The following PHF24 variants were observed in gnomAD, a reference collection of about 807,000 sequenced individuals.
PHF24 encodes the protein PHD finger protein 24.
PHF24 carries 25 observed loss-of-function variants against 42.6 expected under a neutral mutation model. The ratio of observed to expected loss-of-function variants is 0.59; its 90% confidence interval spans 0.43 to 0.82. The LOEUF is 0.82. Among genes scored for constraint, PHF24 ranks in the 40% least tolerant of loss-of-function variants. PHF24 has a pLI of 0.00. For missense variants in PHF24, 470 were observed against 538.1 expected (o/e 0.87, Z 1.25); for synonymous variants, 185 against 204.8 (o/e 0.90, Z 0.83).
chr9:34,923,166 T>C, the PHF24 span, among the ~76,000 whole-genome samples: 14 of 152,050 alleles, frequency 9.2e-5, no homozygotes, highest in Non-Finnish European at 1.5e-4. Flanking sequence ...ATGTATCACA[T>C]TGATTAATTT....
At chr9:34,957,043 G>A (rs964069766), upstream of PHF24, among the ~76,000 whole-genome samples, 7 of 152,084 alleles carry the variant, frequency 4.6e-5, no homozygotes, top group South Asian at 2.1e-4. Context: ...GCAAAATGTC[G>A]AAACTAACAG....
chr9:34,943,487 T>G, the PHF24 span, among the ~76,000 whole-genome samples: 1 of 152,198 alleles, frequency 6.6e-6, no homozygotes, highest in Non-Finnish European at 1.5e-5. Context: ...AGTTGGTCTC[T>G]GTAGACCTCG....
At chr9:34,713,011 A>C in the PHF24 span, among the ~76,000 whole-genome samples, 2 of 152,180 alleles carry the variant, frequency 1.3e-5, no homozygotes, top group East Asian at 3.8e-4. Context: ...TTTGTTGATA[A>C]CTGGGCATTC....
the PHF24 span, among the ~76,000 whole-genome samples, chr9:34,675,607 T>A: frequency 6.6e-6 from 1 of 152,248 alleles, no homozygotes; most frequent in East Asian, 1.9e-4. Context: ...GGGGAAGTCT[T>A]GAGCAATAGC....
At chr9:34,774,020 T>C in the PHF24 span, among the ~76,000 whole-genome samples, 1 of 152,238 alleles carries the variant, frequency 6.6e-6, no homozygotes, top group South Asian at 2.1e-4. Flanking sequence ...ACTATACTAA[T>C]GTAAGATGTC....
At chr9:34,672,940 G>T in the PHF24 span, among the ~76,000 whole-genome samples, 2 of 152,174 alleles carry the variant, frequency 1.3e-5, no homozygotes, top group East Asian at 3.9e-4. Flanking sequence ...CCAAGTAGCT[G>T]AGACTACAGC....
chr9:34,963,826 A>T (rs1488774304), intron 1 of PHF24, among the ~76,000 whole-genome samples: 1 of 152,190 alleles, frequency 6.6e-6, no homozygotes, highest in Middle Eastern at 3.2e-3. Context: ...AGATGTGATG[A>T]TGTGAGCTGG....
At chr9:34,843,351 G>C in the PHF24 span, among the ~76,000 whole-genome samples, 1 of 152,128 alleles carries the variant, frequency 6.6e-6, no homozygotes, top group Non-Finnish European at 1.5e-5. Context: ...TTTGGAAAGT[G>C]TGTATCTCAC....
At chr9:34,854,428 C>T in the PHF24 span, among the ~76,000 whole-genome samples, 1 of 152,176 alleles carries the variant, frequency 6.6e-6, no homozygotes, top group East Asian at 1.9e-4. Flanking sequence ...ATAAATTTCC[C>T]TCTTAACACT....
the PHF24 span, among the ~76,000 whole-genome samples, chr9:34,850,694 GTT>G: frequency 6.6e-6 from 1 of 152,150 alleles, no homozygotes; most frequent in African/African-American, 2.4e-5. Context: ...AGAGTTTCCA[GTT>G]TTTCTGCTCC....
intron 1 of PHF24, among the ~76,000 whole-genome samples, chr9:34,968,376 A>G (rs1007262663): frequency 3.3e-5 from 5 of 152,222 alleles, no homozygotes; most frequent in Admixed American, 6.5e-5. Flanking sequence ...TGAATACCCT[A>G]AATGATTTCC....
the PHF24 span, among the ~76,000 whole-genome samples, chr9:34,705,064 T>C: frequency 2.6e-5 from 4 of 152,286 alleles, no homozygotes; most frequent in Non-Finnish European, 5.9e-5. Flanking sequence ...TTAGGATTTT[T>C]TTTTTTTTAC....
chr9:34,911,281 G>GTC, the PHF24 span, among the ~76,000 whole-genome samples: 1 of 151,702 alleles, frequency 6.6e-6, no homozygotes, highest in Non-Finnish European at 1.5e-5. Context: ...TTGAGACAGA[G>GTC]TCTCTCTCTG....
the PHF24 span, among the ~76,000 whole-genome samples, chr9:34,950,685 T>A: frequency 1.3e-5 from 2 of 152,138 alleles, no homozygotes; most frequent in Non-Finnish European, 2.9e-5. Flanking sequence ...GTGAATTTTA[T>A]AACATGTGAA....
At chr9:34,935,607 A>AAG in the PHF24 span, among the ~76,000 whole-genome samples, 406 of 150,814 alleles carry the variant, frequency 2.7e-3, 2 homozygotes, top group African/African-American at 7.5e-3. Context: ...AAAAAAAAAA[A>AAG]AGAGAGAGAA....
the PHF24 span, chr9:34,835,240 G>A: frequency 6.4e-7 from 1 of 1,552,264 alleles, no homozygotes; most frequent in Non-Finnish European, 8.7e-7. Context: ...GGAGGGAAAT[G>A]GTCTCAGATC....
chr9:34,977,513 C>A, intron 6 of PHF24, 33 bp from the exon 7 acceptor site: 1 of 1,576,418 alleles, frequency 6.3e-7, no homozygotes, highest in South Asian at 1.2e-5. Context: ...TTTCACTATC[C>A]CACTCCTAAC....
chr9:34,666,714 G>A, the PHF24 span, among the ~76,000 whole-genome samples: 33 of 152,154 alleles, frequency 2.2e-4, no homozygotes, highest in Non-Finnish European at 4.4e-4. Flanking sequence ...TTGGGAGGCC[G>A]AGGTGGGTGG....
At chr9:34,814,886 G>T in the PHF24 span, among the ~76,000 whole-genome samples, 2 of 152,040 alleles carry the variant, frequency 1.3e-5, no homozygotes, top group Non-Finnish European at 2.9e-5. Context: ...GATTATAGGC[G>T]CCCGCCACCA....
Sources: allele counts gnomAD v4.1 joint callset (sites outside exome capture counted in the v4.1 genomes callset), GRCh38; gene constraint gnomAD v4.1.1; transcripts MANE v1.5; gene names NCBI Gene and HGNC (gene_info 2026-07-23, HGNC 2026-07-21).